Variants in SLC5A8 observed in about 807,000 individuals in gnomAD.
The protein encoded by SLC5A8 is solute carrier family 5 member 8.
SLC5A8 carries 55 observed loss-of-function variants against 71.9 expected under a neutral mutation model. The ratio of observed to expected loss-of-function variants is 0.77; its 90% CI spans 0.62 to 0.96. SLC5A8 has a LOEUF of 0.96. Among genes scored for constraint, SLC5A8 ranks in the 40% least tolerant of loss-of-function variants. SLC5A8 has a pLI of 0.00. For missense variants in SLC5A8, 701 were observed against 745.3 expected (o/e 0.94, Z 0.69); for synonymous variants, 307 against 276.1 (o/e 1.11, Z -1.11).
intron 3 of SLC5A8, among the ~76,000 whole-genome samples, chr12:101,201,913 T>G (rs1303775211): frequency 6.6e-6 from 1 of 152,192 alleles, no homozygotes; most frequent in African/African-American, 2.4e-5. Context: ...GTGAATGGGC[T>G]GATGGGCACA....
intron 3 of SLC5A8, among the ~76,000 whole-genome samples, chr12:101,197,273 TGAA>T (rs1158065495): frequency 6.6e-6 from 1 of 152,178 alleles, no homozygotes; most frequent in Non-Finnish European, 1.5e-5. Flanking sequence ...ATCTAACTAA[TGAA>T]GAAGAATTCA....
intron 11 of SLC5A8, among the ~76,000 whole-genome samples, chr12:101,166,985 G>GT (rs1180145418): frequency 1.3e-5 from 2 of 151,198 alleles, no homozygotes; most frequent in Middle Eastern, 6.8e-3. Context: ...CCTGGACATG[G>GT]TTTAAAAAAA....
chr12:101,157,901 G>A (rs1018997740), intron 14 of SLC5A8, among the ~76,000 whole-genome samples: 2 of 152,120 alleles, frequency 1.3e-5, no homozygotes, highest in Non-Finnish European at 2.9e-5. Context: ...AACAGGTGTA[G>A]CTCATCAGAG....
chr12:101,160,949 G>A (rs1278619704), intron 13 of SLC5A8, among the ~76,000 whole-genome samples: 1 of 152,088 alleles, frequency 6.6e-6, no homozygotes, highest in Admixed American at 6.6e-5. Flanking sequence ...AAAAGAAAAT[G>A]TCCAGAACTG....
intron 13 of SLC5A8, among the ~76,000 whole-genome samples, chr12:101,160,803 A>C (rs2051717204): frequency 6.6e-6 from 1 of 152,220 alleles, no homozygotes. Flanking sequence ...GGAGAGGAAA[A>C]ATAAGAGAGA....
chr12:101,192,971 CTT>C (rs35246165), intron 5 of SLC5A8, among the ~76,000 whole-genome samples: 25,433 of 125,312 alleles, frequency 0.2, 2,177 homozygotes, highest in East Asian at 0.49. Flanking sequence ...TACCTTTTCT[CTT>C]TTTTTTTTTT....
At chr12:101,209,094 A>G (rs1869796684) in intron 1 of SLC5A8, among the ~76,000 whole-genome samples, 1 of 152,130 alleles carries the variant, frequency 6.6e-6, no homozygotes, top group Non-Finnish European at 1.5e-5. Flanking sequence ...GAGGACCTGG[A>G]ACAAGAGTAT....
At chr12:101,179,072 G>A (rs1031005827) in intron 10 of SLC5A8, among the ~76,000 whole-genome samples, 1 of 152,074 alleles carries the variant, frequency 6.6e-6, no homozygotes, top group African/African-American at 2.4e-5. Flanking sequence ...AACATCATTA[G>A]CCATTAGGGA....
chr12:101,186,939 T>C (rs1450453011), intron 7 of SLC5A8, among the ~76,000 whole-genome samples: 1 of 152,206 alleles, frequency 6.6e-6, no homozygotes, highest in Non-Finnish European at 1.5e-5. Context: ...CACCACATAG[T>C]TGGTACTCAG....
chr12:101,180,493 A>G (rs1031332570), intron 9 of SLC5A8, among the ~76,000 whole-genome samples: 1 of 152,224 alleles, frequency 6.6e-6, no homozygotes, highest in Non-Finnish European at 1.5e-5. Context: ...GCTCTGTACA[A>G]GGTGAGAGAA....
intron 3 of SLC5A8, among the ~76,000 whole-genome samples, chr12:101,198,653 T>C (rs573560885): frequency 6.6e-6 from 1 of 152,056 alleles, no homozygotes; most frequent in African/African-American, 2.4e-5. Flanking sequence ...AAAATCTTTC[T>C]ACAAAAACAA....
intron 11 of SLC5A8, among the ~76,000 whole-genome samples, chr12:101,167,269 C>A (rs1248309978): frequency 6.6e-6 from 1 of 152,176 alleles, no homozygotes; most frequent in Non-Finnish European, 1.5e-5. Flanking sequence ...ACAAAAGCAG[C>A]TTTTCATATG....
intron 10 of SLC5A8, among the ~76,000 whole-genome samples, chr12:101,177,645 A>C (rs961201301): frequency 2.6e-5 from 4 of 152,188 alleles, no homozygotes; most frequent in African/African-American, 9.6e-5. Context: ...GTTCTGCATT[A>C]AAAAACCAAT....
chr12:101,158,972 T>G (rs561412523), intron 13 of SLC5A8, among the ~76,000 whole-genome samples: 22 of 150,968 alleles, frequency 1.5e-4, no homozygotes, highest in African/African-American at 5.4e-4. Flanking sequence ...AAAAAAATTC[T>G]ATTTTGCTTT....
At position 101,187,369 on chromosome 12, in the gene SLC5A8, A is replaced by C; in HGVS notation, c.963+17T>G. ...GAATATTATTAATACACCTGTAAGA[A>C]AGACATGGTACTGAACCTGGTCTGG... On this transcript the variant is annotated intron_variant, in intron 7 of 14. Transcript: ENST00000536262. 6.2e-7 allele frequency: 1 copy of C among 1,604,202 alleles called. No homozygotes were observed. The highest frequency in any genetic ancestry group is 1.1e-5 in the South Asian group (1 of 88,308).
chr12:101,162,075 G>C lies in SLC5A8; in HGVS notation c.1529C>G (p.Thr510Ser). ...SVFQIYNVQR[T>S]PLMDNWYSLS... ...AGAATACCAGTTATCCATCAGTGGAGTCCTAAGAGAGCAAAAACACAACGG... is the reference window on the plus strand; with the variant it reads ...AGAATACCAGTTATCCATCAGTGGACTCCTAAGAGAGCAAAAACACAACGG... Residue 510 changes from threonine to serine, a missense_variant and splice_region_variant, in exon 13 of 15, where the codon ACT becomes AGT. Coordinates refer to ENST00000536262, the MANE Select transcript of SLC5A8 (RefSeq NM_145913.5). 6.2e-6 allele frequency: 10 copies of C among 1,610,346 alleles called. No individual in the cohort carries two copies. The highest frequency in any genetic ancestry group is 8.5e-6 in the Non-Finnish European group (10 of 1,176,910).
intron 1 of SLC5A8, among the ~76,000 whole-genome samples, chr12:101,206,701 T>C (rs1364124288): frequency 6.6e-6 from 1 of 152,182 alleles, no homozygotes; most frequent in East Asian, 1.9e-4. Flanking sequence ...TCTCTCGTGG[T>C]CCTCAGAACT....
At position 101,210,223 on chromosome 12, in the gene SLC5A8, T is replaced by G; in HGVS notation, c.-375A>C. 4.2e-6 allele frequency: 1 copy of G among 236,926 alleles called. No individual in the cohort carries two copies. The highest frequency in any genetic ancestry group is 8.1e-6 in the Non-Finnish European group (1 of 123,942). The allele number at this position is 236,926 out of a possible 1,614,324, so 14.7% of individuals were successfully genotyped here. On this transcript the variant is annotated 5_prime_UTR_variant, in exon 1 of 15. Transcript: ENST00000536262. ...CAGCGAATCTACACAGGGAGCGCTC[T>G]GGGCAGGTTTTGTTCAAGTGGTACC...
At chr12:101,196,429 C>T (rs1193573249) in intron 3 of SLC5A8, among the ~76,000 whole-genome samples, 2 of 151,928 alleles carry the variant, frequency 1.3e-5, no homozygotes, top group African/African-American at 4.8e-5. Context: ...AAAATTACTC[C>T]TAGGAGAGGG....
Sources: allele counts gnomAD v4.1 joint callset (sites outside exome capture counted in the v4.1 genomes callset), GRCh38; gene constraint gnomAD v4.1.1; transcripts MANE v1.5; gene names NCBI Gene and HGNC (gene_info 2026-07-23, HGNC 2026-07-21).